The following OSBPL10 variants were observed in gnomAD, a reference collection of about 807,000 sequenced individuals.
OSBPL10 encodes oxysterol-binding protein-related protein 10.
In OSBPL10, 49 loss-of-function variants were observed where a neutral mutation model predicts 81.7. The ratio of observed to expected loss-of-function variants is 0.60; its 90% CI spans 0.48 to 0.76. The LOEUF is 0.76. Ranked by LOEUF, OSBPL10 falls within the 30% of genes least tolerant of loss-of-function variation. The pLI, the probability that OSBPL10 is intolerant of heterozygous loss-of-function variation, is 0.00. For synonymous variants in OSBPL10, 419 were observed against 383.6 expected, an observed-to-expected ratio of 1.09 and a Z score of -1.08; for missense variants, 923 against 987.8, an observed-to-expected ratio of 0.93 and a Z score of 0.88.
intron 3 of OSBPL10, among the ~76,000 whole-genome samples, 169 bp downstream of exon 3, chr3:31,876,264 T>A (rs1329863680): frequency 6.6e-6 from 1 of 152,238 alleles, no homozygotes; most frequent in African/African-American, 2.4e-5. Context: ...AAAATCTTAC[T>A]ACATTTCTCC....
At chr3:31,756,062 A>C (rs1416510667) in intron 4 of OSBPL10, among the ~76,000 whole-genome samples, 1 of 152,204 alleles carries the variant, frequency 6.6e-6, no homozygotes, top group Non-Finnish European at 1.5e-5. Flanking sequence ...TGAGATCATA[A>C]CACAACTTAT....
intron 2 of OSBPL10, among the ~76,000 whole-genome samples, chr3:32,039,965 G>A (rs1034329182): frequency 1.3e-5 from 2 of 152,286 alleles, no homozygotes; most frequent in African/African-American, 4.8e-5. Flanking sequence ...TACGGTAAAA[G>A]AACAATGAAT....
rs1021177704 is a variant in OSBPL10, at chr3:31,724,273, G to A, written c.1095+8984C>T. ...CAGGATAGGAGAGATTATACCACTCGGTGCTGAGCTTTTTTATATGGCTCC... is the reference window on the plus strand; with the variant it reads ...CAGGATAGGAGAGATTATACCACTCAGTGCTGAGCTTTTTTATATGGCTCC... On this transcript the variant is annotated intron_variant, in intron 6 of 11. Transcript: ENST00000396556. Among the ~76,000 whole-genome samples the A allele has an allele frequency of 2.4e-4, 37 of 152,096 alleles. 1 individual carries two copies. The highest frequency in any genetic ancestry group is 1.9e-3 in the Admixed American group (29 of 15,254).
chr3:31,769,303 G>A (rs1022191588), intron 4 of OSBPL10, among the ~76,000 whole-genome samples: 3 of 151,294 alleles, frequency 2.0e-5, no homozygotes, highest in Non-Finnish European at 2.9e-5. Context: ...AAATTAGCCA[G>A]GTGTGGTGGT....
chr3:31,957,794 C>T (rs973574869), intron 1 of OSBPL10, among the ~76,000 whole-genome samples: 1 of 152,162 alleles, frequency 6.6e-6, no homozygotes, highest in African/African-American at 2.4e-5. Flanking sequence ...GCACATGCCA[C>T]CACGCCTGAC....
At position 31,810,202 on chromosome 3, in the gene OSBPL10, T is replaced by TA. The variant is rs35570002; in HGVS notation, c.729+19837dup. On this transcript the variant is annotated intron_variant, in intron 4 of 11. Transcript: ENST00000396556. ...GACTCTTTATACCAAATTTCTTATTTAAAAAAAGTCAAAACAGTAAAGCCA... is the reference window on the plus strand; with the variant it reads ...GACTCTTTATACCAAATTTCTTATTTAAAAAAAAGTCAAAACAGTAAAGCCA... Among the ~76,000 whole-genome samples the TA allele has an allele frequency of 2.5e-4, 38 of 152,126 alleles. 1 individual carries two copies. The highest frequency in any genetic ancestry group is 1.0e-3 in the Admixed American group (16 of 15,274).
rs747631578 is a variant in OSBPL10 at position 31,694,370 on chromosome 3, CAAAAAAAAAAA to C, written c.1245+7978_1245+7988del. Among the ~76,000 whole-genome samples the C allele has an allele frequency of 6.4e-5, 4 of 62,826 alleles. No homozygotes were observed. In the East Asian group the frequency reaches 2.5e-3, roughly 40 times the overall value. 41.2% of individuals were successfully genotyped at this position (62,826 alleles called of 152,430 possible). A position where few individuals can be genotyped will look rare whatever the true frequency, so the allele number is the denominator to read the frequency against. On this transcript the variant is annotated intron_variant, in intron 7 of 11. Coordinates refer to ENST00000396556, the MANE Select transcript of OSBPL10 (RefSeq NM_017784.5). Reference sequence around the variant, plus strand: ...TGGGTGACAGAGTAAGACTCTGTCTCAAAAAAAAAAAAAAAAAAAAAAAAAAAGGTTTGCTG... The same window carrying C: ...TGGGTGACAGAGTAAGACTCTGTCTCAAAAAAAAAAAAAAAAGGTTTGCTG...
intron 3 of OSBPL10, among the ~76,000 whole-genome samples, chr3:31,866,522 C>T (rs532000351): frequency 1.1e-4 from 16 of 152,192 alleles, no homozygotes; most frequent in Non-Finnish European, 2.1e-4. Context: ...GCCAAGCCAG[C>T]CCATTTCTCT....
chr3:31,666,157 C>A (rs1289166102), intron 10 of OSBPL10, among the ~76,000 whole-genome samples: 1 of 152,176 alleles, frequency 6.6e-6, no homozygotes, highest in Non-Finnish European at 1.5e-5. Context: ...TGGCAGAGGT[C>A]GAGCAAGTGG....
rs1426307689 is a variant in OSBPL10, at chr3:31,730,653, CTCTCT to C, written c.1095+2599_1095+2603del. Among the ~76,000 whole-genome samples, 6 of 152,216 alleles carry C rather than the reference CTCTCT, an allele frequency of 3.9e-5. 1 individual carries two copies. Among genetic ancestry groups the C allele is most frequent in the Admixed American group, 3.9e-4 (6 of 15,282 alleles). The stretch of plus-strand genomic sequence containing the variant: ...CATTTTATAACAGAGCCGACCACAG[CTCTCT>C]TCTAACTCACGTATTAAATATGTAC... On this transcript the variant is annotated intron_variant, in intron 6 of 11. Transcript: ENST00000396556.
intron 5 of OSBPL10, among the ~76,000 whole-genome samples, chr3:31,736,461 C>A (rs1697177779): frequency 6.6e-6 from 1 of 152,128 alleles, no homozygotes; most frequent in Admixed American, 6.6e-5. Flanking sequence ...GTAGACGGAG[C>A]TGAACTAAGA....
chr3:31,746,950 T>C (rs569553818), intron 5 of OSBPL10, among the ~76,000 whole-genome samples: 2 of 152,052 alleles, frequency 1.3e-5, no homozygotes, highest in African/African-American at 4.8e-5. Flanking sequence ...GTTGTGCACA[T>C]GTACCCTCAA....
At chr3:31,944,173 A>G (rs1697624789) in intron 1 of OSBPL10, among the ~76,000 whole-genome samples, 1 of 152,070 alleles carries the variant, frequency 6.6e-6, no homozygotes, top group Non-Finnish European at 1.5e-5. Flanking sequence ...ATTTTAGCAT[A>G]TCTTACAACA....
intron 1 of OSBPL10, among the ~76,000 whole-genome samples, chr3:31,972,995 G>A (rs1180200859): frequency 6.6e-6 from 1 of 151,992 alleles, no homozygotes. Context: ...GCATTTTCTG[G>A]GCTGTGACCA....
At chr3:31,815,684 C>T (rs1161412674) in intron 4 of OSBPL10, among the ~76,000 whole-genome samples, 1 of 152,134 alleles carries the variant, frequency 6.6e-6, no homozygotes, top group African/African-American at 2.4e-5. Context: ...TCTGTTGTAG[C>T]TTGAAATACT....
intron 1 of OSBPL10, among the ~76,000 whole-genome samples, chr3:31,942,949 C>G (rs1357790635): frequency 2.0e-5 from 3 of 152,178 alleles, no homozygotes; most frequent in Non-Finnish European, 4.4e-5. Context: ...CTATCTATTT[C>G]CAAACCTTTT....
At chr3:31,925,007 T>C (rs1027045034) in intron 1 of OSBPL10, among the ~76,000 whole-genome samples, 2 of 152,098 alleles carry the variant, frequency 1.3e-5, no homozygotes, top group Admixed American at 1.3e-4. Flanking sequence ...TGAATAGAAG[T>C]CTCCTTTATG....
chr3:31,827,963 A>C (rs1700140598), intron 4 of OSBPL10, among the ~76,000 whole-genome samples: 1 of 152,194 alleles, frequency 6.6e-6, no homozygotes, highest in South Asian at 2.1e-4. Flanking sequence ...AAAGTACCTC[A>C]ACTTTTATTT....
intron 5 of OSBPL10, among the ~76,000 whole-genome samples, chr3:31,747,204 G>A (rs1243726393): frequency 2.6e-5 from 4 of 151,848 alleles, no homozygotes; most frequent in Non-Finnish European, 4.4e-5. Context: ...GGTGGAGGGC[G>A]CTATTTGGGA....
Sources: allele counts gnomAD v4.1 joint callset (sites outside exome capture counted in the v4.1 genomes callset), GRCh38; gene constraint gnomAD v4.1.1; transcripts MANE v1.5; gene names NCBI Gene and HGNC (gene_info 2026-07-23, HGNC 2026-07-21).